The following STK33 variants were observed in gnomAD, a reference collection of about 807,000 sequenced individuals.
The protein encoded by STK33 is serine/threonine-protein kinase 33.
Under a neutral mutation model 58.0 loss-of-function variants are expected in STK33, and 52 were observed. That is an observed-to-expected ratio of 0.90 (90% CI 0.72 to 1.13). STK33 has a LOEUF of 1.13. Among genes scored for constraint, STK33 ranks in the 50% most tolerant of loss-of-function variants. STK33 has a pLI of 0.00. For synonymous variants in STK33, 215 were observed against 200.1 expected (o/e 1.07, Z -0.63); for missense variants, 630 against 604.2 (o/e 1.04, Z -0.45).
At chr11:8,556,031 T>C (rs1357490041) in intron 1 of STK33, among the ~76,000 whole-genome samples, 1 of 152,020 alleles carries the variant, frequency 6.6e-6, no homozygotes, top group African/African-American at 2.4e-5. Context: ...GTGAACAGAT[T>C]GTAAGGCAAG....
chr11:8,564,949 G>A (rs1203562363), intron 1 of STK33, among the ~76,000 whole-genome samples: 1 of 152,158 alleles, frequency 6.6e-6, no homozygotes, highest in East Asian at 1.9e-4. Flanking sequence ...CAGAAGCACT[G>A]CTGCCTGCAG....
intron 12 of STK33, among the ~76,000 whole-genome samples, chr11:8,437,386 T>C (rs1591048294): frequency 6.6e-6 from 1 of 152,204 alleles, no homozygotes. Flanking sequence ...GCCATCCTCA[T>C]TACTGTCAAC....
chr11:8,364,309 T>C, the STK33 span, among the ~76,000 whole-genome samples: 3 of 152,276 alleles, frequency 2.0e-5, no homozygotes, highest in South Asian at 4.1e-4. Flanking sequence ...TTCATTTCTT[T>C]GTTGCAATTT....
chr11:8,535,089 G>A (rs1243617255), intron 1 of STK33, among the ~76,000 whole-genome samples: 2 of 152,084 alleles, frequency 1.3e-5, no homozygotes, highest in East Asian at 1.9e-4. Context: ...CAAAATAGAC[G>A]AGAGAACATG....
chr11:8,573,407 T>G (rs539804249), intron 1 of STK33, among the ~76,000 whole-genome samples: 1 of 152,244 alleles, frequency 6.6e-6, no homozygotes, highest in African/African-American at 2.4e-5. Context: ...TCAGAAAGGC[T>G]AAAATAAAAA....
At chr11:8,436,729 ACT>A (rs749005085) in intron 12 of STK33, among the ~76,000 whole-genome samples, 54 of 152,258 alleles carry the variant, frequency 3.5e-4, no homozygotes, top group Non-Finnish European at 7.1e-4. Context: ...ATGGAGTCTC[ACT>A]CTGTCTCCCA....
intron 11 of STK33, among the ~76,000 whole-genome samples, chr11:8,451,926 T>C (rs907491702): frequency 6.6e-6 from 1 of 152,098 alleles, no homozygotes; most frequent in Non-Finnish European, 1.5e-5. Flanking sequence ...CAAAGAGGGC[T>C]GGGCATGGTG....
At chr11:8,384,271 G>C in the STK33 span, among the ~76,000 whole-genome samples, 1 of 152,228 alleles carries the variant, frequency 6.6e-6, no homozygotes, top group Non-Finnish European at 1.5e-5. Context: ...ACTGTGAGAA[G>C]TGACCAGAAG....
At chr11:8,468,751 A>G (rs1424228697) in intron 6 of STK33, among the ~76,000 whole-genome samples, 2 of 152,212 alleles carry the variant, frequency 1.3e-5, no homozygotes, top group African/African-American at 2.4e-5. Context: ...ATAAAATAGT[A>G]CAAAACATAA....
At chr11:8,529,143 T>G (rs976078360) in intron 1 of STK33, among the ~76,000 whole-genome samples, 7 of 152,232 alleles carry the variant, frequency 4.6e-5, no homozygotes, top group African/African-American at 1.7e-4. Context: ...TTTTCTCTGC[T>G]ACAGTCTAAA....
intron 1 of STK33, among the ~76,000 whole-genome samples, chr11:8,536,077 T>C (rs1021181959): frequency 6.6e-6 from 1 of 151,850 alleles, no homozygotes; most frequent in African/African-American, 2.4e-5. Context: ...GAGTGAAAGG[T>C]AGAGAAGAGA....
chr11:8,361,061 C>T, the STK33 span, among the ~76,000 whole-genome samples: 5 of 152,178 alleles, frequency 3.3e-5, no homozygotes, highest in Admixed American at 6.5e-5. The surrounding 1 kb of genome is among the most constrained non-coding windows in gnomAD (Gnocchi z 4.8). Flanking sequence ...TACGGCCAGG[C>T]CCAACATTTT....
intron 11 of STK33, 127 bp from the exon 12 acceptor site, chr11:8,440,880 C>T: frequency 1.1e-6 from 1 of 881,572 alleles, no homozygotes; most frequent in Non-Finnish European, 1.7e-6. Flanking sequence ...AGAGAACCAA[C>T]AGCAGATCTT....
the STK33 span, among the ~76,000 whole-genome samples, chr11:8,358,017 C>T: frequency 6.6e-6 from 1 of 152,224 alleles, no homozygotes; most frequent in Non-Finnish European, 1.5e-5. Context: ...CCCGCCTCCC[C>T]ATACAGGCTC....
At chr11:8,373,375 C>T in the STK33 span, among the ~76,000 whole-genome samples, 3 of 152,042 alleles carry the variant, frequency 2.0e-5, no homozygotes, top group Non-Finnish European at 2.9e-5. Context: ...GGAGAGAGAA[C>T]GCTGCCCAGA....
At chr11:8,493,125 CA>C (rs1319935362) in intron 1 of STK33, among the ~76,000 whole-genome samples, 3 of 151,882 alleles carry the variant, frequency 2.0e-5, no homozygotes, top group African/African-American at 7.3e-5. Flanking sequence ...GATAGAGACA[CA>C]AAAAACCCTT....
intron 11 of STK33, among the ~76,000 whole-genome samples, chr11:8,444,129 G>A (rs916987550): frequency 2.0e-5 from 3 of 152,166 alleles, no homozygotes; most frequent in Non-Finnish European, 4.4e-5. Context: ...GCTGGTTCTT[G>A]AAAAGCCCAT....
At chr11:8,453,985 C>T (rs1208633530) in intron 10 of STK33, among the ~76,000 whole-genome samples, 1 of 152,176 alleles carries the variant, frequency 6.6e-6, no homozygotes, top group Admixed American at 6.5e-5. Flanking sequence ...GTTAAGTGAA[C>T]ACATACTATG....
intron 1 of STK33, among the ~76,000 whole-genome samples, chr11:8,499,128 C>T (rs1361638521): frequency 1.3e-5 from 2 of 152,102 alleles, no homozygotes; most frequent in African/African-American, 4.8e-5. Context: ...AAGAAACTAT[C>T]CTCAGAGTGA....
Sources: gnomAD v4.1 joint callset for allele counts (sites outside exome capture counted in the v4.1 genomes callset) on GRCh38, gnomAD v4.1.1 for gene constraint, Gnocchi (gnomAD v3.1) non-coding constraint, MANE v1.5 for transcripts, NCBI Gene and HGNC (gene_info 2026-07-23, HGNC 2026-07-21) for gene names.